The following CYP4F3 variants were observed in gnomAD, a reference collection of about 807,000 sequenced individuals.
CYP4F3 encodes the protein cytochrome P450 4F3.
In CYP4F3, 50 loss-of-function variants were observed where a neutral mutation model predicts 54.8. That is an observed-to-expected ratio of 0.91 (90% CI 0.73 to 1.16). CYP4F3 has a LOEUF of 1.16. Among genes scored for constraint, CYP4F3 ranks in the 50% most tolerant of loss-of-function variants. The pLI, the probability that CYP4F3 is intolerant of heterozygous loss-of-function variation, is 0.00. For synonymous variants in CYP4F3, 244 were observed against 262.6 expected (o/e 0.93, Z 0.69); for missense variants, 715 against 676.2 (o/e 1.06, Z -0.64).
chr19:15,646,125 T>G (rs2096135296), intron 3 of CYP4F3, among the ~76,000 whole-genome samples: 1 of 152,204 alleles, frequency 6.6e-6, no homozygotes, highest in Non-Finnish European at 1.5e-5. Context: ...ACCTGTATAT[T>G]TACACCTGGG....
In CYP4F3 at chr19:15,658,318, G is replaced by T; in HGVS notation, c.1170G>T (p.Arg390Ser). ...FLTMCIKESL[R>S]LHPPVPAVSR... The stretch of plus-strand genomic sequence containing the variant: ...CCATGTGCATTAAGGAGAGCCTGAG[G>T]CTGCATCCCCCAGTCCCTGCCGTCT... The change falls in exon 10 of 13, where the codon AGG (arginine) becomes AGT (serine). Residue 390 changes from arginine (R) to serine (S), a missense_variant. By Grantham distance (110) the Arg-to-Ser change is moderately radical. Coordinates refer to ENST00000221307, the MANE Select transcript of CYP4F3 (RefSeq NM_000896.3). 6.2e-7 allele frequency: 1 copy of T among 1,614,134 alleles called. No homozygotes were observed. Among genetic ancestry groups the T allele is most frequent in the Non-Finnish European group, 8.5e-7 (1 of 1,180,012 alleles).
intron 10 of CYP4F3, 33 bp downstream of exon 10, chr19:15,658,430 G>T: frequency 6.2e-7 from 1 of 1,613,696 alleles, no homozygotes; most frequent in Middle Eastern, 1.7e-4. Context: ...AGCCTCCTGG[G>T]TAGGAAGAGG....
In CYP4F3 at chr19:15,641,399, C is replaced by T. The variant is rs1181131319; in HGVS notation, c.-1-16C>T. ...TGGGCCTCAGGACCTCACTCACCAC[C>T]CCATCTGCCCTGCAGGATGCCACAG... is the stretch of plus-strand genomic sequence containing the variant. On this transcript the variant is annotated splice_polypyrimidine_tract_variant and intron_variant, in intron 1 of 12. Coordinates refer to ENST00000221307, the MANE Select transcript of CYP4F3 (RefSeq NM_000896.3). 8 of 1,613,616 alleles carry T rather than the reference C, an allele frequency of 5.0e-6. No individual in the cohort carries two copies. The South Asian group carries it at 7.7e-5, about 16-fold the overall frequency.
chr19:15,648,631 C>G (rs569161793), intron 5 of CYP4F3, among the ~76,000 whole-genome samples: 52 of 152,114 alleles, frequency 3.4e-4, no homozygotes, highest in African/African-American at 1.2e-3. Context: ...CACAATATGC[C>G]AGAAAAAATG....
chr19:15,655,849 T>C (rs556035287), intron 9 of CYP4F3, among the ~76,000 whole-genome samples: 1 of 152,382 alleles, frequency 6.6e-6, no homozygotes, highest in Middle Eastern at 3.4e-3. Flanking sequence ...TTGTGATATA[T>C]GTATACAACC....
chr19:15,656,426 C>A (rs754548783), intron 9 of CYP4F3, among the ~76,000 whole-genome samples: 49 of 152,008 alleles, frequency 3.2e-4, no homozygotes, highest in South Asian at 6.2e-4. Context: ...CTGACCTAAT[C>A]CTTTCTCATT....
At chr19:15,657,879 G>C (rs1390728170) in intron 9 of CYP4F3, among the ~76,000 whole-genome samples, 1 of 152,060 alleles carries the variant, frequency 6.6e-6, no homozygotes, top group East Asian at 1.9e-4. Context: ...TTTCTGCCTA[G>C]TGTTGCAAAA....
In CYP4F3 at chr19:15,647,253, A is replaced by G; in HGVS notation, c.454A>G (p.Thr152Ala). ...GTGGAGCCGCCACCGTCGGATGCTG[A>G]CGCCTGCCTTCCATTTCAACATCCT... ...EKWSRHRRML[T>A]PAFHFNILKP... Residue 152 changes from threonine (T) to alanine (A), a missense_variant, in exon 5 of 13, where the codon ACG (threonine) becomes GCG (alanine). Thr to Ala is a moderately conservative substitution (Grantham distance 58). Transcript: ENST00000221307. 5 of 1,614,184 alleles carry G rather than the reference A, an allele frequency of 3.1e-6. No individual in the cohort carries two copies. The highest frequency in any genetic ancestry group is 4.2e-6 in the Non-Finnish European group (5 of 1,180,028).
chr19:15,642,246 T>G lies in CYP4F3; in HGVS notation c.198+633T>G, dbSNP rs1972486212. 2.0e-5 allele frequency among the ~76,000 whole-genome samples: 3 copies of G among 152,188 alleles called. No individual in the cohort carries two copies. In the South Asian group the frequency reaches 6.2e-4, roughly 31 times the overall value. On this transcript the variant is annotated intron_variant, in intron 2 of 12. Transcript: ENST00000221307. ...TTTGCGGAACGTGGTCTCAATCTGC[T>G]CATTGCAAATGGCAGGATTGATGGG... is the stretch of plus-strand genomic sequence containing the variant.
rs1973160515 is a variant in CYP4F3, at chr19:15,660,601, A to G, written c.*1216A>G. 2 of 152,244 alleles carry G rather than the reference A, an allele frequency of 1.3e-5. No homozygotes were observed. Among genetic ancestry groups the G allele is most frequent in the Non-Finnish European group, 2.9e-5 (2 of 68,048 alleles). The allele number at this position is 152,244 out of a possible 1,614,324, so 9.4% of individuals were successfully genotyped here. A position where few individuals can be genotyped will look rare whatever the true frequency, so the allele number is the denominator to read the frequency against. ...ATAAATCTGGTTCGTTTGGCATCAG[A>G]GGCCATGACTTTTCCTACCACAGAA... On this transcript the variant is annotated 3_prime_UTR_variant, in exon 13 of 13. Coordinates refer to ENST00000221307, the MANE Select transcript of CYP4F3 (RefSeq NM_000896.3).
intron 11 of CYP4F3, 36 bp downstream of exon 11, chr19:15,658,591 A>T: frequency 6.2e-7 from 1 of 1,613,108 alleles, no homozygotes; most frequent in Middle Eastern, 1.7e-4. Context: ...GTCCATTCCA[A>T]GGCTCCTAGA....
chr19:15,654,451 T>C (rs562760574), intron 9 of CYP4F3, among the ~76,000 whole-genome samples: 1 of 152,374 alleles, frequency 6.6e-6, no homozygotes, highest in Admixed American at 6.5e-5. Context: ...GTGAACCTAC[T>C]GATCTATCAA....
intron 2 of CYP4F3, among the ~76,000 whole-genome samples, chr19:15,645,137 C>T (rs968527481): frequency 2.3e-4 from 35 of 152,314 alleles, no homozygotes; most frequent in African/African-American, 7.7e-4. Flanking sequence ...GTCTTTCCCT[C>T]ATGACGTCAA....
intron 9 of CYP4F3, 75 bp from the exon 10 acceptor site, chr19:15,658,189 C>T (rs1233826097): frequency 3.2e-6 from 5 of 1,579,594 alleles, no homozygotes; most frequent in Non-Finnish European, 4.3e-6. Context: ...AAAGGTCTCA[C>T]TTGCAAACAG....
chr19:15,656,283 T>G (rs1174382268), intron 9 of CYP4F3, among the ~76,000 whole-genome samples: 2 of 80,816 alleles, frequency 2.5e-5, no homozygotes, highest in Non-Finnish European at 4.7e-5. Context: ...GATTCCATTG[T>G]GTATATATAT....
intron 2 of CYP4F3, among the ~76,000 whole-genome samples, chr19:15,644,367 T>C (rs1972563733): frequency 6.6e-6 from 1 of 151,764 alleles, no homozygotes; most frequent in Non-Finnish European, 1.5e-5. Flanking sequence ...CTTCATGGGG[T>C]CAAGAAAGGG....
rs775804633 is a variant in CYP4F3, at chr19:15,645,723, A to G, written c.203A>G (p.His68Arg). ...GTCCTGTGTCTTTCTCTCCAGATTC[A>G]CAGCTCGGAGGAAGGTCTCCTATAC... ...NWFLGHLGLI[H>R]SSEEGLLYTQ... Residue 68 changes from histidine (H) to arginine (R), a missense_variant, in exon 3 of 13, where the codon CAC (histidine) becomes CGC (arginine). By Grantham distance (29) the His-to-Arg change is conservative. Coordinates refer to ENST00000221307, the MANE Select transcript of CYP4F3 (RefSeq NM_000896.3). The G allele has an allele frequency of 1.4e-5, 22 of 1,606,144 alleles. No homozygotes were observed. The highest frequency in any genetic ancestry group is 1.8e-5 in the Non-Finnish European group (21 of 1,174,458).
In CYP4F3 at chr19:15,650,820, T is replaced by TTCTCTCTCTTC. The variant is rs1568398377; in HGVS notation, c.918+640_918+641insCTCTCTTCTCT. Among the ~76,000 whole-genome samples the TTCTCTCTCTTC allele has an allele frequency of 1.0e-3, 54 of 54,082 alleles. 2 individuals carry two copies. Among genetic ancestry groups the TTCTCTCTCTTC allele is most frequent in the South Asian group, 2.5e-3 (4 of 1,604 alleles). 35.5% of individuals were successfully genotyped at this position (54,082 alleles called of 152,430 possible). A position where few individuals can be genotyped will look rare whatever the true frequency, so the allele number is the denominator to read the frequency against. ...CTTTCTCTCTCTTCTCTTTCTTTCT[T>TTCTCTCTCTTC]TCTTTCTTTCTTTCTTTCTTTCTTT... On this transcript the variant is annotated intron_variant, in intron 7 of 12. Transcript: ENST00000221307.
chr19:15,643,223 T>C (rs184761314), intron 2 of CYP4F3, among the ~76,000 whole-genome samples: 2 of 147,490 alleles, frequency 1.4e-5, no homozygotes, highest in Admixed American at 1.4e-4. Flanking sequence ...ACAGATAGGA[T>C]AGATGAATGG....
Sources: allele counts gnomAD v4.1 joint callset (sites outside exome capture counted in the v4.1 genomes callset), GRCh38; gene constraint gnomAD v4.1.1; transcripts MANE v1.5; gene names NCBI Gene and HGNC (gene_info 2026-07-23, HGNC 2026-07-21).